Variants in THSD7B observed in about 807,000 individuals in gnomAD.
THSD7B encodes thrombospondin type-1 domain-containing protein 7B.
Under a neutral mutation model 213.6 loss-of-function variants are expected in THSD7B, and 138 were observed. That is an observed-to-expected ratio of 0.65 (90% CI 0.56 to 0.74). The LOEUF (loss-of-function observed/expected upper bound fraction) is 0.74, where lower values mean the gene tolerates loss of function less well. Ranked by LOEUF, THSD7B falls within the 30% of genes least tolerant of loss-of-function variation. The pLI is 0.00. For synonymous variants in THSD7B, 742 were observed against 687.0 expected (o/e 1.08, Z -1.25); for missense variants, 1,931 against 1,991.5 (o/e 0.97, Z 0.58).
intron 2 of THSD7B, among the ~76,000 whole-genome samples, chr2:137,006,725 C>G (rs1453180458): frequency 6.6e-6 from 1 of 152,156 alleles, no homozygotes; most frequent in East Asian, 1.9e-4. Flanking sequence ...TATTGTATAT[C>G]TCATTTCCTA....
intron 2 of THSD7B, among the ~76,000 whole-genome samples, chr2:137,017,832 T>C (rs1033261633): frequency 7.2e-5 from 11 of 152,134 alleles, no homozygotes. Context: ...AAAAAAATAA[T>C]ATCCAGTCTG....
intron 12 of THSD7B, among the ~76,000 whole-genome samples, chr2:137,328,204 G>C (rs4954496): frequency 0.56 from 84,359 of 151,954 alleles, 26,348 homozygotes; most frequent in East Asian, 0.75. Flanking sequence ...CTGAAAATAT[G>C]GCTAATATTT....
chr2:137,540,862 T>C (rs1165708762), intron 15 of THSD7B, among the ~76,000 whole-genome samples: 3 of 151,762 alleles, frequency 2.0e-5, no homozygotes, highest in African/African-American at 7.2e-5. Flanking sequence ...AACTGTAAGA[T>C]ATTCCTGGGA....
intron 5 of THSD7B, 25 bp from the exon 6 acceptor site, chr2:137,160,188 G>C: frequency 6.2e-7 from 1 of 1,600,796 alleles, no homozygotes; most frequent in Non-Finnish European, 8.5e-7. Flanking sequence ...AATGTGACAT[G>C]GTCCGTTATC....
At chr2:137,376,175 G>A (rs1386397014) in intron 12 of THSD7B, among the ~76,000 whole-genome samples, 2 of 152,090 alleles carry the variant, frequency 1.3e-5, no homozygotes, top group Admixed American at 6.6e-5. Flanking sequence ...TTGTTACTTA[G>A]TTACTGTTTC....
At chr2:137,589,221 C>T (rs1399569730) in intron 17 of THSD7B, among the ~76,000 whole-genome samples, 1 of 151,930 alleles carries the variant, frequency 6.6e-6, no homozygotes, top group Non-Finnish European at 1.5e-5. Context: ...ACATTTTTGT[C>T]ATTTGTAAAA....
chr2:137,356,955 C>G (rs1573980273), intron 12 of THSD7B, among the ~76,000 whole-genome samples: 1 of 116,014 alleles, frequency 8.6e-6, no homozygotes, highest in Admixed American at 1.0e-4. Flanking sequence ...CATACACACA[C>G]ACACACACAC....
intron 12 of THSD7B, among the ~76,000 whole-genome samples, chr2:137,392,577 G>T (rs771920622): frequency 6.6e-6 from 1 of 151,820 alleles, no homozygotes. Context: ...GCTCCCTTCT[G>T]GTTTCTGTTT....
At chr2:136,895,278 A>T (rs1290550719) in intron 2 of THSD7B, among the ~76,000 whole-genome samples, 1 of 152,142 alleles carries the variant, frequency 6.6e-6, no homozygotes, top group Non-Finnish European at 1.5e-5. Flanking sequence ...AAGAGTGTAG[A>T]TATGTGATAG....
chr2:137,529,712 T>C (rs1680360628), intron 15 of THSD7B, among the ~76,000 whole-genome samples: 1 of 151,758 alleles, frequency 6.6e-6, no homozygotes, highest in African/African-American at 2.4e-5. Flanking sequence ...AGATTATGGT[T>C]AAAAAAATCA....
intron 12 of THSD7B, among the ~76,000 whole-genome samples, chr2:137,382,082 G>A (rs1172644147): frequency 6.6e-6 from 1 of 152,124 alleles, no homozygotes; most frequent in African/African-American, 2.4e-5. Context: ...ACCACTTGAC[G>A]ATTGAATTGG....
At chr2:137,031,582 G>A (rs1686668175) in intron 2 of THSD7B, among the ~76,000 whole-genome samples, 1 of 151,936 alleles carries the variant, frequency 6.6e-6, no homozygotes, top group South Asian at 2.1e-4. Flanking sequence ...GCTCATAATA[G>A]GAGTTCATTT....
intron 20 of THSD7B, among the ~76,000 whole-genome samples, chr2:137,641,030 T>C (rs1026851670): frequency 1.3e-5 from 2 of 152,192 alleles, no homozygotes; most frequent in African/African-American, 4.8e-5. Flanking sequence ...CCCTTACTTA[T>C]CACTAAACTT....
chr2:137,531,124 A>G (rs1429756841), intron 15 of THSD7B, among the ~76,000 whole-genome samples: 2 of 151,970 alleles, frequency 1.3e-5, no homozygotes, highest in Non-Finnish European at 2.9e-5. Flanking sequence ...GGCTCACTCT[A>G]GTAGGGATAA....
chr2:137,653,542 T>TTTTGAGCA (rs1683176517), intron 21 of THSD7B, among the ~76,000 whole-genome samples: 1 of 151,168 alleles, frequency 6.6e-6, no homozygotes, highest in South Asian at 2.1e-4. Flanking sequence ...CTCAACTCTC[T>TTTTGAGCA]TTTGAGCACC....
At chr2:137,644,324 C>T (rs1476968564) in intron 21 of THSD7B, among the ~76,000 whole-genome samples, 1 of 152,126 alleles carries the variant, frequency 6.6e-6, no homozygotes, top group African/African-American at 2.4e-5. Flanking sequence ...AGGGTGGGCC[C>T]TTACCCAAAC....
intron 17 of THSD7B, among the ~76,000 whole-genome samples, chr2:137,591,278 G>A (rs7586365): frequency 0.03 from 4,524 of 151,660 alleles, 238 homozygotes; most frequent in African/African-American, 0.1. Context: ...ACTATCTTTT[G>A]TAGTAATGAA....
chr2:137,151,800 A>G (rs1269372165), intron 5 of THSD7B, among the ~76,000 whole-genome samples: 1 of 152,200 alleles, frequency 6.6e-6, no homozygotes, highest in Non-Finnish European at 1.5e-5. Context: ...TAAATAATGC[A>G]TTGATTGCAC....
chr2:137,411,927 G>T, intron 14 of THSD7B, 55 bp downstream of exon 14: 3 of 1,587,358 alleles, frequency 1.9e-6, no homozygotes, highest in Non-Finnish European at 1.7e-6. Context: ...AGCTCGGGAG[G>T]TTTGTCTCAG....
Sources: gnomAD v4.1 joint callset for allele counts (sites outside exome capture counted in the v4.1 genomes callset) on GRCh38, gnomAD v4.1.1 for gene constraint, MANE v1.5 for transcripts, NCBI Gene and HGNC (gene_info 2026-07-23, HGNC 2026-07-21) for gene names.